Variants in HMBOX1 observed in about 807,000 individuals in gnomAD.
HMBOX1 encodes the protein homeobox containing 1.
HMBOX1 carries 14 observed loss-of-function variants against 54.5 expected under a neutral mutation model. The ratio of observed to expected loss-of-function variants is 0.26; its 90% CI spans 0.17 to 0.40. HMBOX1 has a LOEUF of 0.40. Among genes scored for constraint, HMBOX1 ranks in the 10% least tolerant of loss-of-function variants. HMBOX1 has a pLI of 1.00. For synonymous variants in HMBOX1, 160 were observed against 181.0 expected (o/e 0.88, Z 0.93); for missense variants, 332 against 514.4 (o/e 0.65, Z 3.43).
chr8:28,933,357 CTAAA>C (rs1324200954), intron 1 of HMBOX1, among the ~76,000 whole-genome samples: 3 of 152,132 alleles, frequency 2.0e-5, no homozygotes, highest in African/African-American at 7.2e-5. Flanking sequence ...GACCTGTCAA[CTAAA>C]TAGACTGCCA....
chr8:28,930,972 G>C (rs1472796948), intron 1 of HMBOX1, among the ~76,000 whole-genome samples: 1 of 152,112 alleles, frequency 6.6e-6, no homozygotes, highest in Non-Finnish European at 1.5e-5. Flanking sequence ...ATTGGTAAAT[G>C]ATCTATGATT....
intron 2 of HMBOX1, among the ~76,000 whole-genome samples, chr8:28,968,707 GA>G (rs1826871654): frequency 6.6e-6 from 1 of 152,162 alleles, no homozygotes; most frequent in Non-Finnish European, 1.5e-5. Context: ...GCCCAGAGCA[GA>G]TGTTTGTTTG....
chr8:28,896,978 G>GT (rs201463638), intron 1 of HMBOX1, among the ~76,000 whole-genome samples: 5,785 of 141,736 alleles, frequency 0.041, 265 homozygotes, highest in African/African-American at 0.12. Flanking sequence ...TATTGGCTAG[G>GT]TTTTTTTTTT....
Position 29,050,974 on chromosome 8 carries a change from T to G in HMBOX1, c.1126-44T>G, listed in dbSNP as rs774279545. On this transcript the variant is annotated intron_variant, in intron 9 of 9. Coordinates refer to ENST00000287701, the MANE Select transcript of HMBOX1 (RefSeq NM_001135726.3). The stretch of plus-strand genomic sequence containing the variant: ...AGCATGTCTCTCTGTGACTAAAGAA[T>G]TCTTCCAATCCACTAATAACATTTC... The G allele has an allele frequency of 2.5e-6, 4 of 1,589,112 alleles. No homozygotes were observed. In the South Asian group the frequency reaches 4.5e-5, roughly 18 times the overall value.
intron 6 of HMBOX1, among the ~76,000 whole-genome samples, chr8:29,038,726 A>G (rs1315401209): frequency 2.6e-5 from 4 of 152,172 alleles, no homozygotes; most frequent in African/African-American, 4.8e-5. Context: ...CCTTCTCCAC[A>G]GCCATCATCA....
At chr8:28,914,002 A>T (rs1169732147) in intron 1 of HMBOX1, among the ~76,000 whole-genome samples, 2 of 151,778 alleles carry the variant, frequency 1.3e-5, no homozygotes, top group African/African-American at 4.8e-5. Context: ...TCCCAAGTAG[A>T]TGGGACTACA....
At chr8:28,964,287 C>T (rs1362710348) in intron 2 of HMBOX1, among the ~76,000 whole-genome samples, 1 of 152,110 alleles carries the variant, frequency 6.6e-6, no homozygotes, top group Admixed American at 6.6e-5. Flanking sequence ...CTTCATGTTG[C>T]CTTTTGTGTA....
chr8:29,046,594 A>G (rs540720161), intron 7 of HMBOX1, among the ~76,000 whole-genome samples: 9 of 152,370 alleles, frequency 5.9e-5, no homozygotes, highest in African/African-American at 2.2e-4. Flanking sequence ...GAAAACATGT[A>G]TAATATCCTC....
chr8:28,943,496 C>T (rs1821840358), intron 1 of HMBOX1, among the ~76,000 whole-genome samples: 1 of 152,158 alleles, frequency 6.6e-6, no homozygotes, highest in Non-Finnish European at 1.5e-5. Context: ...TGTCTTCCTT[C>T]CTCCTGGTAC....
chr8:29,004,188 A>G (rs1833087592), intron 4 of HMBOX1, among the ~76,000 whole-genome samples: 1 of 152,222 alleles, frequency 6.6e-6, no homozygotes, highest in Admixed American at 6.5e-5. Flanking sequence ...CATGGACGCT[A>G]TCTAGCAGAT....
At chr8:28,903,906 C>T (rs1563356355) in intron 1 of HMBOX1, among the ~76,000 whole-genome samples, 1 of 152,178 alleles carries the variant, frequency 6.6e-6, no homozygotes, top group Non-Finnish European at 1.5e-5. Context: ...TTTTTGATTG[C>T]CACTACTGCA....
chr8:29,051,651 GT>G lies in HMBOX1; in HGVS notation c.*497del. On this transcript the variant is annotated 3_prime_UTR_variant, in exon 10 of 10. Coordinates refer to ENST00000287701, the MANE Select transcript of HMBOX1 (RefSeq NM_001135726.3). ...GGAACACTAGAATCCCCACCTCAGC[GT>G]GAGGATAATTGATTTCCAGCTGCAA... 1.4e-6 allele frequency: 1 copy of G among 702,206 alleles called. No individual in the cohort carries two copies. Among genetic ancestry groups the G allele is most frequent in the Non-Finnish European group, 2.6e-6 (1 of 384,430 alleles). The allele number at this position is 702,206 out of a possible 1,614,324, so 43.5% of individuals were successfully genotyped here. A position where few individuals can be genotyped will look rare whatever the true frequency, so the allele number is the denominator to read the frequency against.
chr8:28,951,682 T>C (rs910254147), intron 1 of HMBOX1, among the ~76,000 whole-genome samples: 16 of 152,116 alleles, frequency 1.1e-4, no homozygotes, highest in African/African-American at 3.9e-4. Context: ...ATCTGCAAAT[T>C]TAATATACAA....
intron 1 of HMBOX1, chr8:28,891,831 C>T (rs896858351): frequency 6.6e-6 from 1 of 152,192 alleles, no homozygotes; most frequent in African/African-American, 2.4e-5. Context: ...AAAGATAACA[C>T]TATGTAAAGT....
chr8:28,989,597 A>ACC (rs1185142995), intron 4 of HMBOX1, among the ~76,000 whole-genome samples: 12 of 152,128 alleles, frequency 7.9e-5, no homozygotes, highest in African/African-American at 2.7e-4. Context: ...ACCAATACAA[A>ACC]CTGTAGATTA....
At chr8:29,046,209 A>G (rs1267824294) in intron 7 of HMBOX1, 1 of 152,248 alleles carries the variant, frequency 6.6e-6, no homozygotes, top group Non-Finnish European at 1.5e-5. Context: ...ACTTCTAGCA[A>G]TGTAGACCCT....
rs1806438836 is a variant in HMBOX1, at chr8:29,051,634, A to G, written c.*479A>G. The G allele has an allele frequency of 2.8e-6, 2 of 702,784 alleles. No individual in the cohort carries two copies. Among genetic ancestry groups the G allele is most frequent in the Non-Finnish European group, 5.2e-6 (2 of 384,914 alleles). 43.5% of individuals were successfully genotyped at this position (702,784 alleles called of 1,614,324 possible). On this transcript the variant is annotated 3_prime_UTR_variant, in exon 10 of 10. Coordinates refer to ENST00000287701, the MANE Select transcript of HMBOX1 (RefSeq NM_001135726.3). ...GTATCCACAGAGTCAAAGGAACACT[A>G]GAATCCCCACCTCAGCGTGAGGATA...
At chr8:28,940,255 C>G (rs529068005) in intron 1 of HMBOX1, among the ~76,000 whole-genome samples, 1 of 152,200 alleles carries the variant, frequency 6.6e-6, no homozygotes, top group Non-Finnish European at 1.5e-5. Context: ...GATCCGCCTG[C>G]CTCAGCCTCC....
intron 3 of HMBOX1, among the ~76,000 whole-genome samples, chr8:28,976,834 G>A (rs1828482371): frequency 6.6e-6 from 1 of 151,372 alleles, no homozygotes; most frequent in African/African-American, 2.4e-5. Flanking sequence ...AGCCTCCTGA[G>A]TAGCTGGGAT....
Sources: gnomAD v4.1 joint callset for allele counts (sites outside exome capture counted in the v4.1 genomes callset) on GRCh38, gnomAD v4.1.1 for gene constraint, MANE v1.5 for transcripts, NCBI Gene and HGNC (gene_info 2026-07-23, HGNC 2026-07-21) for gene names.